WNT7A: variants seen among roughly 807,000 people sequenced by gnomAD.
The protein encoded by WNT7A is Wnt family member 7A, also known as protein Wnt-7a.
Under a neutral mutation model 28.2 loss-of-function variants are expected in WNT7A, and 16 were observed. That is an observed-to-expected ratio of 0.57 (90% CI 0.38 to 0.86). The LOEUF (loss-of-function observed/expected upper bound fraction) is 0.86. WNT7A is among the 40% of genes least tolerant of loss of function. WNT7A has a pLI of 0.00. For missense variants in WNT7A, 411 were observed against 489.7 expected (o/e 0.84, Z 1.52); for synonymous variants, 190 against 195.9 (o/e 0.97, Z 0.25).
chr3:13,831,451 T>C (rs1480810045), intron 3 of WNT7A, among the ~76,000 whole-genome samples: 1 of 152,184 alleles, frequency 6.6e-6, no homozygotes, highest in African/African-American at 2.4e-5. Flanking sequence ...AGAGCTGTAA[T>C]GTGGCCGAAC....
chr3:13,879,880 G>A lies in WNT7A; in HGVS notation c.-64C>T. On this transcript the variant is annotated 5_prime_UTR_variant, in exon 1 of 4. Transcript: ENST00000285018. Reference sequence around the variant, plus strand: ...CTGATCCCGCGGGCCGGCCCCGGCGGGGCAATCAACATAGCCCGCCCGGGA... The same window carrying A: ...CTGATCCCGCGGGCCGGCCCCGGCGAGGCAATCAACATAGCCCGCCCGGGA... The A allele has an allele frequency of 7.0e-7, 1 of 1,435,158 alleles. No homozygotes were observed. 88.9% of individuals were successfully genotyped at this position (1,435,158 alleles called of 1,614,324 possible).
At chr3:13,831,040 T>G (rs184115358) in intron 3 of WNT7A, among the ~76,000 whole-genome samples, 1 of 152,160 alleles carries the variant, frequency 6.6e-6, no homozygotes, top group East Asian at 1.9e-4. Context: ...ATCACTACTG[T>G]GATTATGTAG....
chr3:13,847,931 G>C (rs76526026), intron 3 of WNT7A, among the ~76,000 whole-genome samples: 2,866 of 152,234 alleles, frequency 0.019, 101 homozygotes, highest in African/African-American at 0.065. Flanking sequence ...TGATGCCACT[G>C]GGGTGCACAC....
chr3:13,847,455 G>C lies in WNT7A; in HGVS notation c.570+7077C>G, dbSNP rs537499228. On this transcript the variant is annotated intron_variant, in intron 3 of 3. Transcript: ENST00000285018. ...GCTTTGGCGGGGCCCCTCCAGTTCAGGGTCTCAGTCTCTCATTGATTAAAT... is the reference window on the plus strand; with the variant it reads ...GCTTTGGCGGGGCCCCTCCAGTTCACGGTCTCAGTCTCTCATTGATTAAAT... 2.0e-4 allele frequency among the ~76,000 whole-genome samples: 30 copies of C among 152,262 alleles called. 1 individual carries two copies. The South Asian group carries it at 6.0e-3, about 31-fold the overall frequency.
intron 3 of WNT7A, among the ~76,000 whole-genome samples, chr3:13,834,687 C>T (rs1387445959): frequency 1.3e-5 from 2 of 152,192 alleles, no homozygotes; most frequent in Non-Finnish European, 2.9e-5. Context: ...CTCCACATGG[C>T]TCCCTTCCTC....
chr3:13,817,645 C>T lies in WNT7A; in HGVS notation c.*1299G>A, dbSNP rs1411451722. The T allele has an allele frequency of 2.6e-5, 4 of 152,490 alleles. No homozygotes were observed. The highest frequency in any genetic ancestry group is 5.9e-5 in the Non-Finnish European group (4 of 68,284). 9.4% of individuals were successfully genotyped at this position (152,490 alleles called of 1,614,324 possible). A position where few individuals can be genotyped will look rare whatever the true frequency, so the allele number is the denominator to read the frequency against. ...GGAAGCCCCGCTGGGCCCGGCTGCT[C>T]ATCGGCCCCTCACCCCATCTGCTTT... On this transcript the variant is annotated 3_prime_UTR_variant, in exon 4 of 4. Transcript: ENST00000285018.
chr3:13,829,735 G>T (rs1026068039), intron 3 of WNT7A, among the ~76,000 whole-genome samples: 1 of 152,144 alleles, frequency 6.6e-6, no homozygotes, highest in African/African-American at 2.4e-5. Flanking sequence ...GGGGAGGAGA[G>T]AAGCAGGTTG....
intron 2 of WNT7A, among the ~76,000 whole-genome samples, chr3:13,867,299 C>T (rs536084992): frequency 2.0e-5 from 3 of 152,252 alleles, no homozygotes; most frequent in Admixed American, 2.0e-4. Flanking sequence ...GATTTCAGTA[C>T]TCACTTGGCA....
chr3:13,863,244 C>T (rs757069033), intron 2 of WNT7A, among the ~76,000 whole-genome samples: 5 of 152,160 alleles, frequency 3.3e-5, no homozygotes, highest in Non-Finnish European at 5.9e-5. Flanking sequence ...TCCCAGATGT[C>T]CCCTCCCTCC....
At chr3:13,845,678 G>GC (rs1694526576) in intron 3 of WNT7A, among the ~76,000 whole-genome samples, 1 of 152,166 alleles carries the variant, frequency 6.6e-6, no homozygotes, top group Admixed American at 6.5e-5. Flanking sequence ...CCTCTTGCCT[G>GC]CCCCCTGTAC....
At chr3:13,879,398 C>A (rs1461335684) in intron 1 of WNT7A, among the ~76,000 whole-genome samples, 1 of 152,176 alleles carries the variant, frequency 6.6e-6, no homozygotes, top group African/African-American at 2.4e-5. Flanking sequence ...TCCTGCTAGA[C>A]CTGCTGTCCC....
chr3:13,830,188 A>T (rs1694255757), intron 3 of WNT7A, among the ~76,000 whole-genome samples: 1 of 152,106 alleles, frequency 6.6e-6, no homozygotes, highest in Non-Finnish European at 1.5e-5. Flanking sequence ...ACCTCCTCCA[A>T]AAAGATCCAA....
chr3:13,868,822 G>GAA (rs200068420), intron 2 of WNT7A, among the ~76,000 whole-genome samples: 18,639 of 110,038 alleles, frequency 0.17, 3,330 homozygotes, highest in Middle Eastern at 0.23. Flanking sequence ...GAGAGAGAGA[G>GAA]AGAAAGAGAG....
intron 1 of WNT7A, among the ~76,000 whole-genome samples, chr3:13,879,256 A>C (rs1362851486): frequency 6.6e-6 from 1 of 152,078 alleles, no homozygotes; most frequent in East Asian, 1.9e-4. Flanking sequence ...CCCTGTTTGC[A>C]CGGACCGGCC....
At chr3:13,874,926 G>T (rs749799657) in intron 2 of WNT7A, 21 bp downstream of exon 2, 142 of 1,612,446 alleles carry the variant, frequency 8.8e-5, no homozygotes, top group Admixed American at 1.7e-5. Context: ...ACTCTGCGGG[G>T]GTGTTTGGGT....
intron 2 of WNT7A, among the ~76,000 whole-genome samples, chr3:13,862,493 A>G (rs570530123): frequency 2.7e-4 from 41 of 152,358 alleles, no homozygotes; most frequent in Non-Finnish European, 5.3e-4. Flanking sequence ...GCAGTGACAC[A>G]AGCTGAAATA....
rs1049713533 is a variant in WNT7A at position 13,816,574 on chromosome 3, C to T, written c.*2370G>A. On this transcript the variant is annotated 3_prime_UTR_variant, in exon 4 of 4. Transcript: ENST00000285018. ...CAGAAGGGTTGCAAGGTCGGGAAGC[C>T]ATCCTGATCATGGCAGATCTGCTAG... 4.6e-5 allele frequency: 7 copies of T among 152,312 alleles called. No individual in the cohort carries two copies. The highest frequency in any genetic ancestry group is 1.9e-4 in the East Asian group (1 of 5,204). 9.4% of individuals were successfully genotyped at this position (152,312 alleles called of 1,614,324 possible).
intron 2 of WNT7A, among the ~76,000 whole-genome samples, chr3:13,868,410 G>C (rs1019508902): frequency 1.1e-4 from 16 of 151,530 alleles, no homozygotes; most frequent in African/African-American, 3.6e-4. Flanking sequence ...AGGAGGTGGA[G>C]GCTGCAGTGA....
At chr3:13,851,609 T>C (rs1694639162) in intron 3 of WNT7A, among the ~76,000 whole-genome samples, 1 of 152,244 alleles carries the variant, frequency 6.6e-6, no homozygotes, top group South Asian at 2.1e-4. Context: ...CAATTTTTGC[T>C]TCTTGTACCT....
Sources: gnomAD v4.1 joint callset for allele counts (sites outside exome capture counted in the v4.1 genomes callset) on GRCh38, gnomAD v4.1.1 for gene constraint, MANE v1.5 for transcripts, NCBI Gene and HGNC (gene_info 2026-07-23, HGNC 2026-07-21) for gene names.